GPC6: variants seen among roughly 807,000 people sequenced by gnomAD.
GPC6 encodes the protein glypican 6, also known as glypican-6.
A neutral mutation model predicts 55.2 loss-of-function variants in GPC6; 14 were observed. The observed-to-expected ratio is 0.25, with a 90% CI of 0.17 to 0.40. GPC6 has a LOEUF of 0.40. GPC6 is among the 10% of genes least tolerant of loss of function. The probability of loss-of-function intolerance (pLI) is 1.00; values close to 1 mark genes in which losing one functional copy is unlikely to be tolerated. For missense variants in GPC6, 641 were observed against 708.5 expected, an observed-to-expected ratio of 0.90 and a Z score of 1.08; for synonymous variants, 278 against 259.6, an observed-to-expected ratio of 1.07 and a Z score of -0.68.
At chr13:93,874,768 T>A (rs7328659) in intron 3 of GPC6, among the ~76,000 whole-genome samples, 3 of 151,284 alleles carry the variant, frequency 2.0e-5, no homozygotes, top group African/African-American at 7.3e-5. Flanking sequence ...CACATCTCCT[T>A]CTTCATATCT....
intron 1 of GPC6, among the ~76,000 whole-genome samples, chr13:93,410,002 G>A (rs1287102350): frequency 2.6e-5 from 4 of 152,240 alleles, no homozygotes; most frequent in African/African-American, 7.2e-5. Context: ...TGCTGTATTA[G>A]GTTCTTCCCC....
intron 2 of GPC6, among the ~76,000 whole-genome samples, chr13:93,676,146 T>A (rs1479239788): frequency 0.022 from 290 of 13,198 alleles, 17 homozygotes; most frequent in African/African-American, 0.03. Flanking sequence ...TATATATATA[T>A]ATATATATAT....
At position 93,294,743 on chromosome 13, in the gene GPC6, G is replaced by A. The variant is rs193190388; in HGVS notation, c.160+67127G>A. Among the ~76,000 whole-genome samples the A allele has an allele frequency of 1.2e-3, 176 of 152,140 alleles. 2 individuals carry two copies. Among genetic ancestry groups the A allele is most frequent in the Middle Eastern group, 3.4e-3 (1 of 294 alleles). On this transcript the variant is annotated intron_variant, in intron 1 of 8. Transcript: ENST00000377047. ...GTTTTGTCCTCTTTCACACCCTTCC[G>A]AGAGTTCTATCTAATGTAACTATGA... is the stretch of plus-strand genomic sequence containing the variant.
At chr13:93,377,275 A>C (rs1874950351) in intron 1 of GPC6, among the ~76,000 whole-genome samples, 1 of 152,232 alleles carries the variant, frequency 6.6e-6, no homozygotes, top group Non-Finnish European at 1.5e-5. Flanking sequence ...ATGAAAGTCC[A>C]AGAAGTCAGG....
chr13:93,700,754 A>T (rs1211356701), intron 2 of GPC6, among the ~76,000 whole-genome samples: 2 of 152,068 alleles, frequency 1.3e-5, no homozygotes, highest in Non-Finnish European at 2.9e-5. Flanking sequence ...GAAGTATTTG[A>T]TGCTTAAACC....
chr13:93,330,721 C>T (rs988244875), intron 1 of GPC6, among the ~76,000 whole-genome samples: 2 of 152,192 alleles, frequency 1.3e-5, no homozygotes, highest in Non-Finnish European at 2.9e-5. Flanking sequence ...TCCACTTCCT[C>T]ATTCCAGCAT....
chr13:94,283,051 T>C (rs1204056504), intron 4 of GPC6, among the ~76,000 whole-genome samples: 1 of 152,236 alleles, frequency 6.6e-6, no homozygotes, highest in Non-Finnish European at 1.5e-5. Flanking sequence ...AAGATTAATT[T>C]AACATAAAAA....
At chr13:94,148,705 C>T (rs1887641163) in intron 4 of GPC6, among the ~76,000 whole-genome samples, 1 of 151,836 alleles carries the variant, frequency 6.6e-6, no homozygotes, top group South Asian at 2.1e-4. Flanking sequence ...TTGTTTTGCC[C>T]ATACAAAGAG....
chr13:93,702,239 G>C (rs185293044), intron 2 of GPC6, among the ~76,000 whole-genome samples: 3 of 152,158 alleles, frequency 2.0e-5, no homozygotes, highest in Admixed American at 2.0e-4. Flanking sequence ...CTCCACCAGA[G>C]CTCCTGGGTA....
intron 2 of GPC6, among the ~76,000 whole-genome samples, chr13:93,782,328 A>G (rs1430449696): frequency 6.6e-6 from 1 of 152,126 alleles, no homozygotes; most frequent in Non-Finnish European, 1.5e-5. Flanking sequence ...TTATCCATTC[A>G]TCGTTACTAG....
chr13:94,198,266 A>G (rs186195239), intron 4 of GPC6, among the ~76,000 whole-genome samples: 4 of 152,318 alleles, frequency 2.6e-5, no homozygotes, highest in Admixed American at 2.6e-4. Flanking sequence ...GAAAGTCCTA[A>G]TGCAGGTAAT....
intron 7 of GPC6, among the ~76,000 whole-genome samples, chr13:94,392,362 A>T (rs563569362): frequency 2.0e-5 from 3 of 150,168 alleles, no homozygotes; most frequent in African/African-American, 7.3e-5. Context: ...GGTTCTTGGT[A>T]CTTGGGGTGT....
chr13:93,766,913 A>G (rs527763515), intron 2 of GPC6, among the ~76,000 whole-genome samples: 2 of 152,220 alleles, frequency 1.3e-5, no homozygotes, highest in Non-Finnish European at 2.9e-5. Flanking sequence ...TGGGTCACTC[A>G]TTTTAGCTGA....
intron 1 of GPC6, among the ~76,000 whole-genome samples, chr13:93,515,454 A>C (rs1012004122): frequency 1.4e-4 from 22 of 152,318 alleles, no homozygotes; most frequent in African/African-American, 5.3e-4. Flanking sequence ...ATAGATGTCT[A>C]TTCAGCAATT....
intron 1 of GPC6, among the ~76,000 whole-genome samples, chr13:93,414,980 A>T (rs1594153396): frequency 1.3e-5 from 2 of 152,250 alleles, no homozygotes; most frequent in East Asian, 3.9e-4. Flanking sequence ...AAAACCACCA[A>T]TCATCTCATT....
At chr13:94,366,591 G>C (rs1416160789) in intron 6 of GPC6, among the ~76,000 whole-genome samples, 4 of 152,176 alleles carry the variant, frequency 2.6e-5, no homozygotes, top group Non-Finnish European at 5.9e-5. Context: ...AAGCGCACTT[G>C]AGATCTTCCA....
intron 2 of GPC6, among the ~76,000 whole-genome samples, chr13:93,569,831 A>C (rs1250699412): frequency 1.3e-5 from 2 of 152,118 alleles, no homozygotes; most frequent in Admixed American, 1.3e-4. Context: ...TAATAAAAAT[A>C]TCCTATTCAG....
intron 1 of GPC6, among the ~76,000 whole-genome samples, chr13:93,480,223 A>G (rs984270107): frequency 2.0e-5 from 3 of 152,192 alleles, no homozygotes; most frequent in Non-Finnish European, 4.4e-5. Context: ...TTTAGGGGAA[A>G]TATGTTTCTT....
rs369480808 is a variant in GPC6, at chr13:93,895,222, A to ATGTGTGTGTGTGTGTGTGTG, written c.711+64690_711+64691insGTGTGTGTGTGTGTGTGTGT. Among the ~76,000 whole-genome samples the ATGTGTGTGTGTGTGTGTGTG allele has an allele frequency of 4.8e-3, 256 of 53,576 alleles. 19 individuals carry two copies. The highest frequency in any genetic ancestry group is 0.018 in the African/African-American group (224 of 12,688). The allele number at this position is 53,576 out of a possible 152,430, so 35.1% of individuals were successfully genotyped here. A position where few individuals can be genotyped will look rare whatever the true frequency, so the allele number is the denominator to read the frequency against. On this transcript the variant is annotated intron_variant, in intron 3 of 8. Transcript: ENST00000377047. ...TATATATGTGTGTGTGTGTGTATGT[A>ATGTGTGTGTGTGTGTGTGTG]TGTGTGTGTGTGTATATATATATAT...
Sources: allele counts gnomAD v4.1 joint callset (sites outside exome capture counted in the v4.1 genomes callset), GRCh38; gene constraint gnomAD v4.1.1; transcripts MANE v1.5; gene names NCBI Gene and HGNC (gene_info 2026-07-23, HGNC 2026-07-21).